PRR11: variants seen among roughly 807,000 people sequenced by gnomAD.
PRR11 encodes the protein proline-rich protein 11.
Under a neutral mutation model 45.6 loss-of-function variants are expected in PRR11, and 30 were observed. The observed-to-expected ratio is 0.66, with a 90% CI of 0.49 to 0.89. The LOEUF (loss-of-function observed/expected upper bound fraction) is 0.89, where lower values mean the gene tolerates loss of function less well. Ranked by LOEUF, PRR11 falls within the 40% of genes least tolerant of loss-of-function variation. The pLI is 0.00. For missense variants in PRR11, 373 were observed against 424.8 expected (o/e 0.88, Z 1.07); for synonymous variants, 128 against 153.5 (o/e 0.83, Z 1.23).
intron 2 of PRR11, chr17:59,181,922 C>G: frequency 8.7e-7 from 1 of 1,143,998 alleles, no homozygotes; most frequent in Non-Finnish European, 1.2e-6. Context: ...CGCTCCTTCC[C>G]CTCCCCATTC....
intron 1 of PRR11, among the ~76,000 whole-genome samples, chr17:59,163,300 C>T (rs1246325846): frequency 6.6e-6 from 1 of 152,110 alleles, no homozygotes; most frequent in African/African-American, 2.4e-5. Flanking sequence ...CCAGGCTGGT[C>T]TCAAACTCGG....
chr17:59,179,474 C>A (rs544597048), intron 2 of PRR11, among the ~76,000 whole-genome samples: 2 of 152,288 alleles, frequency 1.3e-5, no homozygotes, highest in East Asian at 3.9e-4. Context: ...CCAACCTAAT[C>A]CTAATCTTCT....
At chr17:59,179,699 C>T (rs1360273667) in intron 2 of PRR11, 21 of 1,442,474 alleles carry the variant, frequency 1.5e-5, no homozygotes, top group Non-Finnish European at 1.8e-5. Flanking sequence ...GGGTGACACT[C>T]GCCATTGCTT....
chr17:59,181,976 G>C lies in PRR11; in HGVS notation c.129-3078G>C, dbSNP rs1441501012. 2.8e-3 allele frequency among the ~76,000 whole-genome samples: 420 copies of C among 148,708 alleles called. 9 individuals carry two copies. Among genetic ancestry groups the C allele is most frequent in the African/African-American group, 0.01 (404 of 39,288 alleles). Reference sequence around the variant, plus strand: ...AGAACACTTCTTCATGTCCTTCCCTGGTCCCTGGCTCTCTGAGTCCCTCCT... The same window carrying C: ...AGAACACTTCTTCATGTCCTTCCCTCGTCCCTGGCTCTCTGAGTCCCTCCT... On this transcript the variant is annotated intron_variant, in intron 2 of 9. Coordinates refer to ENST00000262293, the MANE Select transcript of PRR11 (RefSeq NM_018304.4).
At position 59,206,624 on chromosome 17, in the gene PRR11, G is replaced by A; in HGVS notation, c.*4993G>A. On this transcript the variant is annotated 3_prime_UTR_variant, in exon 10 of 10. Transcript: ENST00000262293. ...CCAGTGTTTACTTTGAGACTGAATG[G>A]CAACCAGAGAATGTAAACAACCAAG... 6.6e-6 allele frequency among the ~76,000 whole-genome samples: 1 copy of A among 152,106 alleles called. No homozygotes were observed. The highest frequency in any genetic ancestry group is 1.9e-4 in the East Asian group (1 of 5,198).
At chr17:59,165,648 C>T (rs186367013) in intron 1 of PRR11, among the ~76,000 whole-genome samples, 2,113 of 151,800 alleles carry the variant, frequency 0.014, 63 homozygotes, top group African/African-American at 0.049. Context: ...CAAAATTAGC[C>T]GGGCGTGGTG....
chr17:59,159,442 C>T (rs62081891), intron 1 of PRR11, among the ~76,000 whole-genome samples: 214 of 152,280 alleles, frequency 1.4e-3, no homozygotes, highest in Non-Finnish European at 1.8e-3. Flanking sequence ...ACCCTACTGT[C>T]GCTCCTATAA....
intron 4 of PRR11, among the ~76,000 whole-genome samples, chr17:59,188,645 G>T (rs1186912650): frequency 6.6e-6 from 1 of 151,918 alleles, no homozygotes; most frequent in East Asian, 1.9e-4. Context: ...CTTTTTTAAA[G>T]AATACACTAA....
In PRR11 at chr17:59,201,979, A is replaced by C; in HGVS notation, c.*348A>C. ...AGAGCAAAACAAAAACAAACAAACAAACAAAAAAAACCCACCCAAATCCTT... is the reference window on the plus strand; with the variant it reads ...AGAGCAAAACAAAAACAAACAAACACACAAAAAAAACCCACCCAAATCCTT... On this transcript the variant is annotated 3_prime_UTR_variant, in exon 10 of 10. Coordinates refer to ENST00000262293, the MANE Select transcript of PRR11 (RefSeq NM_018304.4). 1 of 232,654 alleles carries C rather than the reference A, an allele frequency of 4.3e-6. No homozygotes were observed. The highest frequency in any genetic ancestry group is 8.7e-6 in the Non-Finnish European group (1 of 115,468). The allele number at this position is 232,654 out of a possible 1,614,324, so 14.4% of individuals were successfully genotyped here. A position where few individuals can be genotyped will look rare whatever the true frequency, so the allele number is the denominator to read the frequency against.
intron 2 of PRR11, among the ~76,000 whole-genome samples, chr17:59,184,842 CTGAT>C (rs1052821844): frequency 1.4e-5 from 2 of 147,706 alleles, no homozygotes; most frequent in African/African-American, 5.0e-5. Flanking sequence ...ACCACCATGC[CTGAT>C]TAAGTTTTTT....
chr17:59,167,135 G>A (rs912233854), intron 1 of PRR11, among the ~76,000 whole-genome samples: 1 of 152,188 alleles, frequency 6.6e-6, no homozygotes, highest in African/African-American at 2.4e-5. Context: ...CTGCACTCCA[G>A]CTTGGATGAC....
intron 2 of PRR11, among the ~76,000 whole-genome samples, chr17:59,178,124 A>G (rs961100464): frequency 5.3e-5 from 8 of 152,046 alleles, no homozygotes; most frequent in African/African-American, 1.9e-4. Context: ...ACCTGAGGTC[A>G]GGTGTTCAAG....
intron 2 of PRR11, among the ~76,000 whole-genome samples, chr17:59,170,987 C>T (rs771010491): frequency 4.6e-5 from 7 of 152,158 alleles, no homozygotes; most frequent in Admixed American, 6.5e-5. Context: ...CGGCCAGGCG[C>T]GGTGGCTCAT....
At chr17:59,155,998 C>G (rs2046621419) in intron 1 of PRR11, among the ~76,000 whole-genome samples, 193 bp downstream of exon 1, 1 of 152,130 alleles carries the variant, frequency 6.6e-6, no homozygotes. Flanking sequence ...AACCATACTT[C>G]TATTTAATTA....
At position 59,193,655 on chromosome 17, in the gene PRR11, C is replaced by A. The variant is rs1330562657; in HGVS notation, c.566C>A (p.Pro189Gln). 1.2e-6 allele frequency: 2 copies of A among 1,614,150 alleles called. No homozygotes were observed. The highest frequency in any genetic ancestry group is 8.5e-7 in the Non-Finnish European group (1 of 1,180,014). The part of the protein sequence containing the change: ...QPASHFPPPP[P>Q]PPPLPPPPPP... ...GCCAGCCATTTTCCTCCTCCTCCTCCACCTCCACCTCTGCCACCTCCTCCA... is the reference window on the plus strand; with the variant it reads ...GCCAGCCATTTTCCTCCTCCTCCTCAACCTCCACCTCTGCCACCTCCTCCA... The change falls in exon 5 of 10, where the codon CCA becomes CAA. Residue 189 changes from proline (P) to glutamine (Q), a missense_variant. Physicochemically the swap from Pro to Gln is moderately conservative, Grantham distance 76 (BLOSUM62 -1). Transcript: ENST00000262293.
intron 2 of PRR11, among the ~76,000 whole-genome samples, chr17:59,176,079 G>T (rs1200524921): frequency 1.3e-5 from 2 of 151,508 alleles, no homozygotes; most frequent in Admixed American, 6.6e-5. Context: ...GATGAGGGAA[G>T]GCATCACAGA....
intron 4 of PRR11, among the ~76,000 whole-genome samples, chr17:59,187,788 C>G (rs1259849253): frequency 1.3e-5 from 2 of 151,306 alleles, no homozygotes; most frequent in African/African-American, 4.9e-5. Context: ...TCACTTGAAC[C>G]CGGGAGGCGG....
chr17:59,182,161 G>A (rs2046790802), intron 2 of PRR11, among the ~76,000 whole-genome samples: 1 of 151,770 alleles, frequency 6.6e-6, no homozygotes, highest in Non-Finnish European at 1.5e-5. Flanking sequence ...TCAGGTAGCT[G>A]GGATTACAGG....
chr17:59,186,381 ATTTTTTTTTTTTTTTTTTT>A (rs59082405), intron 4 of PRR11, among the ~76,000 whole-genome samples: 3 of 84,610 alleles, frequency 3.5e-5, no homozygotes, highest in South Asian at 3.8e-4. Context: ...GCTGTTTGTA[ATTTTTTTTTTTTTTTTTTT>A]TTTTTTTTTT....
Sources: gnomAD v4.1 joint callset for allele counts (sites outside exome capture counted in the v4.1 genomes callset) on GRCh38, gnomAD v4.1.1 for gene constraint, MANE v1.5 for transcripts, NCBI Gene and HGNC (gene_info 2026-07-23, HGNC 2026-07-21) for gene names.